Variants in OPRD1 observed in about 807,000 individuals in gnomAD.
OPRD1 encodes opioid receptor delta 1.
A neutral mutation model predicts 17.5 loss-of-function variants in OPRD1; 19 were observed. That is an observed-to-expected ratio of 1.09 (90% CI 0.76 to 1.60). The LOEUF is 1.60. OPRD1 is among the 40% of genes most tolerant of loss of function. OPRD1 has a pLI of 0.00. For missense variants in OPRD1, 483 were observed against 547.2 expected (o/e 0.88, Z 1.17); for synonymous variants, 256 against 240.9 (o/e 1.06, Z -0.58).
In OPRD1 at chr1:28,843,240, C is replaced by T. The variant is rs917324712; in HGVS notation, c.228-15714C>T. Among the ~76,000 whole-genome samples, 7 of 152,228 alleles carry T rather than the reference C, an allele frequency of 4.6e-5. No individual in the cohort carries two copies. In the East Asian group the frequency reaches 5.8e-4, roughly 13 times the overall value. On this transcript the variant is annotated intron_variant, in intron 1 of 2. Coordinates refer to ENST00000234961, the MANE Select transcript of OPRD1 (RefSeq NM_000911.4). Reference sequence around the variant, plus strand: ...TCCCAAGCTTAGAAAATAAACACAGCGACAGCTCTTGATTACCGCCTTTTT... The same window carrying T: ...TCCCAAGCTTAGAAAATAAACACAGTGACAGCTCTTGATTACCGCCTTTTT...
chr1:28,828,957 T>C (rs1569615703), intron 1 of OPRD1, among the ~76,000 whole-genome samples: 1 of 147,422 alleles, frequency 6.8e-6, no homozygotes. Flanking sequence ...GCCACTGCAC[T>C]CCACCCTGGG....
chr1:28,826,754 T>C (rs895884105), intron 1 of OPRD1, among the ~76,000 whole-genome samples: 3 of 152,148 alleles, frequency 2.0e-5, no homozygotes, highest in Non-Finnish European at 2.9e-5. Flanking sequence ...GCTGTGGCAA[T>C]TTCTTAAAAC....
chr1:28,825,622 G>A (rs768679959), intron 1 of OPRD1, among the ~76,000 whole-genome samples: 1 of 152,184 alleles, frequency 6.6e-6, no homozygotes, highest in Non-Finnish European at 1.5e-5. Context: ...CTGACCTTGT[G>A]ATCCGCCTGC....
At chr1:28,851,023 T>C (rs893946808) in intron 1 of OPRD1, among the ~76,000 whole-genome samples, 1 of 151,732 alleles carries the variant, frequency 6.6e-6, no homozygotes, top group African/African-American at 2.4e-5. Flanking sequence ...GACATGAATC[T>C]TCACACACAC....
rs568041755 is a variant in OPRD1 at position 28,819,182 on chromosome 1, C to T, written c.227+6572C>T. Among the ~76,000 whole-genome samples, 64 of 152,036 alleles carry T rather than the reference C, an allele frequency of 4.2e-4. No homozygotes were observed. The East Asian group carries it at 0.011, about 27-fold the overall frequency. On this transcript the variant is annotated intron_variant, in intron 1 of 2. Transcript: ENST00000234961. ...TGAAATGGAGTGCTGTTGGACCTAA[C>T]AAGAAGGCAGGAAGCTGTGCATGGT...
chr1:28,839,696 GA>G (rs1019263492), intron 1 of OPRD1, among the ~76,000 whole-genome samples: 14 of 150,618 alleles, frequency 9.3e-5, no homozygotes, highest in South Asian at 8.4e-4. Flanking sequence ...GCATCAGTGG[GA>G]AAAAAAAACC....
chr1:28,834,339 C>T (rs2088832121), intron 1 of OPRD1, among the ~76,000 whole-genome samples: 1 of 151,822 alleles, frequency 6.6e-6, no homozygotes, highest in South Asian at 2.1e-4. Context: ...AGCTTAGTCC[C>T]TCACCCTAAG....
intron 1 of OPRD1, among the ~76,000 whole-genome samples, chr1:28,839,227 C>T (rs1237904482): frequency 6.6e-6 from 1 of 152,136 alleles, no homozygotes; most frequent in Non-Finnish European, 1.5e-5. Context: ...CTTGCTTCTT[C>T]CCGTTTCTGG....
chr1:28,823,371 T>A (rs917693468), intron 1 of OPRD1, among the ~76,000 whole-genome samples: 3 of 113,708 alleles, frequency 2.6e-5, no homozygotes, highest in Non-Finnish European at 3.8e-5. Flanking sequence ...TATTCTTTTT[T>A]AAATTTTATT....
Position 28,862,814 on chromosome 1 carries a change from T to TGACCAA in OPRD1, c.651_652insACCAAG (p.Val217_Phe218insThrLys). The stretch of plus-strand genomic sequence containing the variant: ...TGGGACACGGTGACCAAGATCTGCG[T>TGACCAA]GTTCCTCTTCGCCTTCGTGGTGCCC... On this transcript the variant is annotated inframe_insertion, in exon 3 of 3. Transcript: ENST00000234961. 1 of 1,613,648 alleles carries TGACCAA rather than the reference T, an allele frequency of 6.2e-7. No individual in the cohort carries two copies. The highest frequency in any genetic ancestry group is 8.5e-7 in the Non-Finnish European group (1 of 1,180,026).
intron 1 of OPRD1, among the ~76,000 whole-genome samples, chr1:28,819,653 C>T (rs542140456): frequency 2.0e-4 from 31 of 152,274 alleles, no homozygotes; most frequent in South Asian, 4.1e-4. Flanking sequence ...TCAGAGGGAG[C>T]GAGTGCCTCT....
intron 1 of OPRD1, among the ~76,000 whole-genome samples, chr1:28,822,068 C>T (rs867945838): frequency 9.9e-5 from 15 of 151,920 alleles, no homozygotes; most frequent in African/African-American, 3.1e-4. Context: ...TCTCCTGCCT[C>T]AGCCTCCCGA....
intron 1 of OPRD1, among the ~76,000 whole-genome samples, chr1:28,831,258 G>A (rs555587328): frequency 3.9e-5 from 6 of 152,170 alleles, no homozygotes; most frequent in Non-Finnish European, 8.8e-5. Flanking sequence ...ACACCTGTAA[G>A]CCCAGCAATT....
At chr1:28,821,485 A>G (rs7515442) in intron 1 of OPRD1, among the ~76,000 whole-genome samples, 1 of 151,440 alleles carries the variant, frequency 6.6e-6, no homozygotes, top group African/African-American at 2.4e-5. Flanking sequence ...TGATCCTCCC[A>G]CCTTGGCCTC....
chr1:28,846,772 A>T (rs1353967029), intron 1 of OPRD1, among the ~76,000 whole-genome samples: 1 of 151,174 alleles, frequency 6.6e-6, no homozygotes, highest in Non-Finnish European at 1.5e-5. Flanking sequence ...ACCATCCCAA[A>T]GGCCCCATTG....
In OPRD1 at chr1:28,863,397, G is replaced by A; in HGVS notation, c.*114G>A. On this transcript the variant is annotated 3_prime_UTR_variant, in exon 3 of 3. Coordinates refer to ENST00000234961, the MANE Select transcript of OPRD1 (RefSeq NM_000911.4). ...GGGGCAGTAGAAGGTCGGAGGCTTG[G>A]GACCGCCAGATGGGGCCTCTGTTTC... The A allele has an allele frequency of 1.6e-6, 2 of 1,214,046 alleles. No individual in the cohort carries two copies. Among genetic ancestry groups the A allele is most frequent in the South Asian group, 3.6e-5 (2 of 54,948 alleles). 75.2% of individuals were successfully genotyped at this position (1,214,046 alleles called of 1,614,324 possible). A position where few individuals can be genotyped will look rare whatever the true frequency, so the allele number is the denominator to read the frequency against.
rs2089162148 is a variant in OPRD1, at chr1:28,864,849, A to G, written c.*1566A>G. On this transcript the variant is annotated 3_prime_UTR_variant, in exon 3 of 3. Transcript: ENST00000234961. ...GGATGAAATCCTCTTCCATTCTCCC[A>G]ACATCTGGCTGCATCCATGTGTCTG... 1 of 152,146 alleles carries G rather than the reference A, an allele frequency of 6.6e-6. No individual in the cohort carries two copies. Among genetic ancestry groups the G allele is most frequent in the Non-Finnish European group, 1.5e-5 (1 of 68,090 alleles). 9.4% of individuals were successfully genotyped at this position (152,146 alleles called of 1,614,324 possible).
intron 1 of OPRD1, among the ~76,000 whole-genome samples, chr1:28,841,436 CAGAT>C (rs1338671582): frequency 6.6e-6 from 1 of 152,202 alleles, no homozygotes; most frequent in Non-Finnish European, 1.5e-5. Context: ...CTCTGGAAAC[CAGAT>C]AGATATGCGC....
chr1:28,817,633 G>T (rs1482788573), intron 1 of OPRD1, among the ~76,000 whole-genome samples: 1 of 152,204 alleles, frequency 6.6e-6, no homozygotes, highest in Non-Finnish European at 1.5e-5. Flanking sequence ...AGTGGTAAAG[G>T]TTGTGACTAG....
Sources: allele counts gnomAD v4.1 joint callset (sites outside exome capture counted in the v4.1 genomes callset), GRCh38; gene constraint gnomAD v4.1.1; transcripts MANE v1.5; gene names NCBI Gene and HGNC (gene_info 2026-07-23, HGNC 2026-07-21).